Variants in PHIP observed in about 807,000 individuals in gnomAD.
PHIP encodes PH-interacting protein.
A neutral mutation model predicts 236.8 loss-of-function variants in PHIP; 54 were observed. That is an observed-to-expected ratio of 0.23 (90% confidence interval 0.18 to 0.29). The LOEUF (loss-of-function observed/expected upper bound fraction) is 0.29. Among genes scored for constraint, PHIP ranks in the 10% least tolerant of loss-of-function variants. PHIP has a pLI of 1.00. For synonymous variants in PHIP, 756 were observed against 718.9 expected (o/e 1.05, Z -0.83); for missense variants, 1,370 against 2,190.8 (o/e 0.63, Z 7.48).
chr6:79,030,310 G>C (rs1302509876), intron 7 of PHIP, among the ~76,000 whole-genome samples: 1 of 152,174 alleles, frequency 6.6e-6, no homozygotes, highest in Non-Finnish European at 1.5e-5. Flanking sequence ...TAAATAGCAT[G>C]ATGTTAGAAA....
In PHIP at chr6:79,003,660, C is replaced by T. The variant is rs969967390; in HGVS notation, c.1653+70G>A. The T allele has an allele frequency of 6.3e-5, 70 of 1,119,538 alleles. No homozygotes were observed. In the African/African-American group the frequency reaches 1.1e-3, roughly 17 times the overall value. The allele number at this position is 1,119,538 out of a possible 1,614,324, so 69.4% of individuals were successfully genotyped here. On this transcript the variant is annotated intron_variant, in intron 16 of 39. Coordinates refer to ENST00000275034, the MANE Select transcript of PHIP (RefSeq NM_017934.7). ...TAAAGATGCTGATTCTCACCCACTCCAAAAACATACAACCCCTAAACATGC... is the reference window on the plus strand; with the variant it reads ...TAAAGATGCTGATTCTCACCCACTCTAAAAACATACAACCCCTAAACATGC...
chr6:79,073,490 A>G (rs533160328), intron 4 of PHIP, among the ~76,000 whole-genome samples: 1 of 152,318 alleles, frequency 6.6e-6, no homozygotes, highest in South Asian at 2.1e-4. Flanking sequence ...CCAAAAAATT[A>G]TAATAATCAA....
At chr6:79,005,054 G>T (rs1400824280) in intron 15 of PHIP, among the ~76,000 whole-genome samples, 1 of 152,034 alleles carries the variant, frequency 6.6e-6, no homozygotes, top group Non-Finnish European at 1.5e-5. Context: ...GTGTGCAACA[G>T]TGCTTATTAA....
intron 35 of PHIP, among the ~76,000 whole-genome samples, chr6:78,953,439 G>A (rs1006838514): frequency 6.6e-6 from 1 of 152,082 alleles, no homozygotes; most frequent in African/African-American, 2.4e-5. Flanking sequence ...TGAATAAACT[G>A]CAACTTATTT....
intron 6 of PHIP, among the ~76,000 whole-genome samples, chr6:79,054,253 A>G (rs1772952690): frequency 6.6e-6 from 1 of 151,714 alleles, no homozygotes; most frequent in African/African-American, 2.4e-5. Context: ...AACCTGTGTC[A>G]AATAGAAATA....
intron 6 of PHIP, among the ~76,000 whole-genome samples, chr6:79,058,348 G>A (rs1773177570): frequency 6.6e-6 from 1 of 151,912 alleles, no homozygotes; most frequent in African/African-American, 2.4e-5. Context: ...AATAAGGGAA[G>A]ATAAATGTTC....
rs1479341078 is a variant in PHIP at position 78,938,345 on chromosome 6, GAGTTGGA to G, written c.*2341_*2347del. On this transcript the variant is annotated 3_prime_UTR_variant, in exon 40 of 40. Transcript: ENST00000275034. ...ATGGTAAATACTCATTTCTTTGCTT[GAGTTGGA>G]ATTAACACATACACTGTACTAGAGG... 6.6e-6 allele frequency: 1 copy of G among 151,440 alleles called. No homozygotes were observed. The highest frequency in any genetic ancestry group is 2.4e-5 in the African/African-American group (1 of 41,366). The allele number at this position is 151,440 out of a possible 1,614,324, so 9.4% of individuals were successfully genotyped here.
chr6:79,043,075 T>G lies in PHIP; in HGVS notation c.440-72A>C, dbSNP rs9343863. On this transcript the variant is annotated intron_variant, in intron 6 of 39. Transcript: ENST00000275034. ...TCTTACATGATCACCTTTTAAGAAT[T>G]CACATACTCCAATTTGTCATGTGCA... The G allele has an allele frequency of 3.3e-6, 4 of 1,229,328 alleles. No individual in the cohort carries two copies. In the Admixed American group the frequency reaches 8.5e-5, roughly 26 times the overall value. 76.2% of individuals were successfully genotyped at this position (1,229,328 alleles called of 1,614,324 possible).
rs866453716 is a variant in PHIP at position 78,972,007 on chromosome 6, G to C, written c.2890-1119C>G. Among the ~76,000 whole-genome samples the C allele has an allele frequency of 7.0e-4, 106 of 152,176 alleles. 1 individual carries two copies. The South Asian group carries it at 8.7e-3, about 13-fold the overall frequency. On this transcript the variant is annotated intron_variant, in intron 24 of 39. Coordinates refer to ENST00000275034, the MANE Select transcript of PHIP (RefSeq NM_017934.7). The stretch of plus-strand genomic sequence containing the variant: ...GGTAAACAAAGCAGCCGGGAAGCTC[G>C]AACTGGGTGGAGCCCACCACAGCTC...
At chr6:79,034,627 T>C (rs1415456781) in intron 7 of PHIP, among the ~76,000 whole-genome samples, 1 of 152,212 alleles carries the variant, frequency 6.6e-6, no homozygotes, top group East Asian at 1.9e-4. Context: ...AACAACTTGA[T>C]AGAGCTCTTT....
chr6:79,033,784 C>T (rs1296518045), intron 7 of PHIP, among the ~76,000 whole-genome samples: 3 of 152,174 alleles, frequency 2.0e-5, no homozygotes, highest in Non-Finnish European at 4.4e-5. Flanking sequence ...ACATTCACAA[C>T]TTGGCTAACT....
chr6:79,025,965 C>A lies in PHIP; in HGVS notation c.800G>T (p.Ser267Ile). The A allele has an allele frequency of 6.2e-7, 1 of 1,612,150 alleles. No homozygotes were observed. The highest frequency in any genetic ancestry group is 8.5e-7 in the Non-Finnish European group (1 of 1,178,328). Residue 267 changes from serine (S) to isoleucine (I), a missense_variant, in exon 8 of 40, where the codon AGT becomes ATT. Physicochemically the swap from Ser to Ile is moderately radical, Grantham distance 142. This residue lies in a region of PHIP where 188 missense variants were observed against 354.3 expected (regional missense o/e 0.53). Transcript: ENST00000275034. ...TACCTGTAGTGATGTAATAGATGCA[C>A]TATGGCCCTGAAGAACAGCCAAAGG... ...CAPLAVLQGHSASITSLQFSP... is the reference protein window; with the variant it reads ...CAPLAVLQGHIASITSLQFSP...
Position 79,049,121 on chromosome 6 carries a change from G to C in PHIP, c.440-6118C>G, listed in dbSNP as rs187743740. On this transcript the variant is annotated intron_variant, in intron 6 of 39. Coordinates refer to ENST00000275034, the MANE Select transcript of PHIP (RefSeq NM_017934.7). Reference sequence around the variant, plus strand: ...GTCTCACTCTGTCGTACAGGCTGGAGTATACTGGCACAATCTCTGCAGCCT... The same window carrying C: ...GTCTCACTCTGTCGTACAGGCTGGACTATACTGGCACAATCTCTGCAGCCT... 3.5e-3 allele frequency among the ~76,000 whole-genome samples: 533 copies of C among 151,510 alleles called. 5 individuals are homozygous for C. Among genetic ancestry groups the C allele is most frequent in the African/African-American group, 0.012 (496 of 41,256 alleles).
intron 15 of PHIP, among the ~76,000 whole-genome samples, chr6:79,006,654 A>C (rs552060315): frequency 4.5e-4 from 68 of 152,208 alleles, no homozygotes; most frequent in African/African-American, 1.5e-3. Flanking sequence ...ATAAAATTTA[A>C]TACTACATAT....
chr6:79,041,625 C>T (rs1035481473), intron 7 of PHIP, among the ~76,000 whole-genome samples: 8 of 151,926 alleles, frequency 5.3e-5, no homozygotes, highest in Admixed American at 1.3e-4. Flanking sequence ...TGAATATACC[C>T]ATATTAAACT....
intron 23 of PHIP, among the ~76,000 whole-genome samples, 154 bp downstream of exon 23, chr6:78,982,732 T>C (rs1768620992): frequency 6.6e-6 from 1 of 152,114 alleles, no homozygotes; most frequent in East Asian, 1.9e-4. Flanking sequence ...TAAATATATT[T>C]AGGTAAACTT....
intron 16 of PHIP, 66 bp from the exon 17 acceptor site, chr6:79,002,190 A>G: frequency 9.2e-7 from 1 of 1,085,750 alleles, no homozygotes; most frequent in Non-Finnish European, 1.4e-6. Flanking sequence ...AAAAAAGTCT[A>G]CATCATTTCT....
chr6:79,007,758 C>A (rs1166388531), intron 15 of PHIP, among the ~76,000 whole-genome samples: 1 of 148,142 alleles, frequency 6.8e-6, no homozygotes, highest in African/African-American at 2.5e-5. Context: ...TTTTAAAATA[C>A]CCTAAAATAA....
At chr6:78,988,918 C>A (rs552352873) in intron 20 of PHIP, among the ~76,000 whole-genome samples, 1 of 152,170 alleles carries the variant, frequency 6.6e-6, no homozygotes, top group African/African-American at 2.4e-5. Flanking sequence ...CATAAAGCTA[C>A]CCTGCCACTA....
Sources: gnomAD v4.1 joint callset for allele counts (sites outside exome capture counted in the v4.1 genomes callset) on GRCh38, gnomAD v4.1.1 for gene constraint, gnomAD v4.1.1 regional missense constraint, MANE v1.5 for transcripts, NCBI Gene and HGNC (gene_info 2026-07-23, HGNC 2026-07-21) for gene names.